The following VPS13B variants were observed in gnomAD, a reference collection of about 807,000 sequenced individuals.
VPS13B encodes vacuolar protein sorting 13 homolog B.
VPS13B carries 285 observed loss-of-function variants against 426.4 expected under a neutral mutation model. The observed-to-expected ratio is 0.67, with a 90% confidence interval of 0.61 to 0.74. The LOEUF is 0.74. Among genes scored for constraint, VPS13B ranks in the 30% least tolerant of loss-of-function variants. VPS13B has a pLI of 0.00. For synonymous variants in VPS13B, 1,676 were observed against 1,676.4 expected (o/e 1.00, Z 0.01); for missense variants, 4,537 against 4,782.6 (o/e 0.95, Z 1.51).
chr8:99,341,659 T>G (rs1811254067), intron 19 of VPS13B: 2 of 310,798 alleles, frequency 6.4e-6, no homozygotes, highest in South Asian at 7.5e-5. Flanking sequence ...ACGTGATCTT[T>G]GGCTGCCCAT....
At chr8:99,757,960 TC>T (rs1170753174) in intron 39 of VPS13B, among the ~76,000 whole-genome samples, 13 of 152,226 alleles carry the variant, frequency 8.5e-5, no homozygotes, top group Non-Finnish European at 1.5e-5. Flanking sequence ...ATTTACTTGT[TC>T]CCACTTCCCA....
At chr8:99,688,834 A>G (rs75426839) in intron 35 of VPS13B, among the ~76,000 whole-genome samples, 1,670 of 152,178 alleles carry the variant, frequency 0.011, 12 homozygotes, top group Admixed American at 0.017. Context: ...AAGGTACAGA[A>G]GCTTATATAT....
chr8:99,791,007 T>TA (rs1417484327), intron 43 of VPS13B, among the ~76,000 whole-genome samples: 1 of 152,170 alleles, frequency 6.6e-6, no homozygotes, highest in East Asian at 1.9e-4. Flanking sequence ...ATAATCTACG[T>TA]ACCCAGAGAG....
At chr8:99,335,927 T>C (rs1263041369) in intron 19 of VPS13B, among the ~76,000 whole-genome samples, 1 of 152,152 alleles carries the variant, frequency 6.6e-6, no homozygotes, top group East Asian at 1.9e-4. Flanking sequence ...ATTGTGAAAA[T>C]GGCCGTACTG....
At chr8:99,211,514 G>T (rs1815088418) in intron 17 of VPS13B, among the ~76,000 whole-genome samples, 2 of 152,174 alleles carry the variant, frequency 1.3e-5, no homozygotes, top group African/African-American at 4.8e-5. Context: ...AGACAAGCTA[G>T]ATTTTGGAAA....
chr8:99,633,986 C>T (rs868456179), intron 33 of VPS13B, among the ~76,000 whole-genome samples: 2 of 151,900 alleles, frequency 1.3e-5, no homozygotes, highest in South Asian at 2.1e-4. Context: ...AGAGAAAGAA[C>T]GGAACAGAGA....
chr8:99,112,215 C>T (rs1334919902), intron 6 of VPS13B, among the ~76,000 whole-genome samples: 1 of 152,062 alleles, frequency 6.6e-6, no homozygotes, highest in African/African-American at 2.4e-5. Context: ...ACTTCTGATC[C>T]CATTAAGTAG....
intron 49 of VPS13B, 64 bp from the exon 50 acceptor site, chr8:99,821,230 G>A: frequency 6.5e-7 from 1 of 1,549,394 alleles, no homozygotes; most frequent in Non-Finnish European, 8.8e-7. Context: ...AAAATCCTGA[G>A]GATTGAAGTA....
At chr8:99,735,234 ATAG>A (rs1360541576) in intron 39 of VPS13B, among the ~76,000 whole-genome samples, 3 of 152,212 alleles carry the variant, frequency 2.0e-5, no homozygotes, top group African/African-American at 7.2e-5. Flanking sequence ...TAGTAAATAA[ATAG>A]TAGATGAGTA....
At chr8:99,284,386 C>G (rs1014618645) in intron 19 of VPS13B, among the ~76,000 whole-genome samples, 2 of 152,100 alleles carry the variant, frequency 1.3e-5, no homozygotes, top group African/African-American at 4.8e-5. Flanking sequence ...GTGCGTAGAA[C>G]TATAACGATG....
intron 39 of VPS13B, among the ~76,000 whole-genome samples, chr8:99,736,730 C>G (rs1833846940): frequency 6.8e-6 from 1 of 146,714 alleles, no homozygotes; most frequent in Non-Finnish European, 1.5e-5. Context: ...CCTAAGACTT[C>G]AGGACTGAAA....
At chr8:99,349,394 T>G (rs1416442013) in intron 19 of VPS13B, among the ~76,000 whole-genome samples, 2 of 144,528 alleles carry the variant, frequency 1.4e-5, no homozygotes, top group African/African-American at 5.1e-5. Flanking sequence ...CTACTCAGAC[T>G]AATAGTTTCT....
intron 51 of VPS13B, among the ~76,000 whole-genome samples, chr8:99,830,490 T>C (rs1209250218): frequency 1.3e-5 from 2 of 152,210 alleles, no homozygotes; most frequent in Non-Finnish European, 2.9e-5. Flanking sequence ...CAGACTGCTG[T>C]GCTGGCAGTG....
intron 17 of VPS13B, among the ~76,000 whole-genome samples, chr8:99,238,241 A>AGTGTGTGT (rs199541620): frequency 2.0e-5 from 3 of 149,936 alleles, no homozygotes; most frequent in African/African-American, 7.4e-5. Context: ...AGTTTGTGGG[A>AGTGTGTGT]GTGTGTGTGT....
At chr8:99,133,755 G>A (rs1283882901) in intron 8 of VPS13B, among the ~76,000 whole-genome samples, 1 of 152,120 alleles carries the variant, frequency 6.6e-6, no homozygotes, top group Non-Finnish European at 1.5e-5. Context: ...ACACACACAT[G>A]TATCAATTAA....
chr8:99,393,128 A>G (rs1814532933), intron 21 of VPS13B, among the ~76,000 whole-genome samples: 4 of 152,102 alleles, frequency 2.6e-5, no homozygotes, highest in Admixed American at 1.3e-4. Context: ...TATATTTAAA[A>G]TAATGGTTAA....
intron 17 of VPS13B, among the ~76,000 whole-genome samples, chr8:99,220,669 T>A (rs1264649432): frequency 6.6e-6 from 1 of 152,190 alleles, no homozygotes; most frequent in Non-Finnish European, 1.5e-5. Context: ...AATATGAATC[T>A]GTACTTTGAA....
chr8:99,764,112 A>G (rs920678055), intron 39 of VPS13B, among the ~76,000 whole-genome samples: 1 of 152,324 alleles, frequency 6.6e-6, no homozygotes, highest in East Asian at 1.9e-4. Flanking sequence ...ATTTTTTTAA[A>G]TAATGTGCCA....
intron 30 of VPS13B, among the ~76,000 whole-genome samples, chr8:99,547,534 C>G (rs887590764): frequency 1.3e-5 from 2 of 151,966 alleles, no homozygotes; most frequent in Non-Finnish European, 2.9e-5. Flanking sequence ...GCCTATTCAG[C>G]AGTGAGTAGT....
Sources: allele counts gnomAD v4.1 joint callset (sites outside exome capture counted in the v4.1 genomes callset), GRCh38; gene constraint gnomAD v4.1.1; transcripts MANE v1.5; gene names NCBI Gene and HGNC (gene_info 2026-07-23, HGNC 2026-07-21).